RGL1: variants seen among roughly 807,000 people sequenced by gnomAD.
RGL1 encodes the protein ral guanine nucleotide dissociation stimulator like 1, also known as ral guanine nucleotide dissociation stimulator-like 1.
A neutral mutation model predicts 95.2 loss-of-function variants in RGL1; 24 were observed. The ratio of observed to expected loss-of-function variants is 0.25; its 90% CI spans 0.18 to 0.35. The LOEUF is 0.35. Among genes scored for constraint, RGL1 ranks in the 10% least tolerant of loss-of-function variants. RGL1 has a pLI of 1.00. For synonymous variants in RGL1, 329 were observed against 344.9 expected, an observed-to-expected ratio of 0.95 and a Z score of 0.51; for missense variants, 715 against 936.3, an observed-to-expected ratio of 0.76 and a Z score of 3.08.
intron 1 of RGL1, among the ~76,000 whole-genome samples, chr1:183,644,211 C>T (rs183045537): frequency 1.2e-4 from 18 of 152,288 alleles, no homozygotes; most frequent in Admixed American, 3.9e-4. Context: ...AACATGGATT[C>T]TGGAGCTTGA....
chr1:183,741,548 G>T (rs187722530), intron 1 of RGL1, among the ~76,000 whole-genome samples: 1 of 152,196 alleles, frequency 6.6e-6, no homozygotes, highest in African/African-American at 2.4e-5. Flanking sequence ...CACAATTATT[G>T]TGGCATTTCA....
At chr1:183,887,430 G>C (rs1351568942) in intron 7 of RGL1, among the ~76,000 whole-genome samples, 1 of 151,956 alleles carries the variant, frequency 6.6e-6, no homozygotes, top group Admixed American at 6.6e-5. Context: ...GATTCTCGAA[G>C]TGATTTACAT....
At chr1:183,664,373 T>C (rs773355555) in intron 1 of RGL1, among the ~76,000 whole-genome samples, 9 of 152,138 alleles carry the variant, frequency 5.9e-5, no homozygotes, top group Non-Finnish European at 7.4e-5. Flanking sequence ...TCATATAGGA[T>C]CATGTCATTT....
intron 5 of RGL1, among the ~76,000 whole-genome samples, chr1:183,881,994 A>G (rs542097001): frequency 2.6e-3 from 397 of 152,338 alleles, no homozygotes; most frequent in African/African-American, 9.1e-3. Flanking sequence ...GGGACCAGTC[A>G]TTCATTGTTT....
chr1:183,829,902 A>T (rs1277845829), intron 2 of RGL1, among the ~76,000 whole-genome samples: 2 of 152,090 alleles, frequency 1.3e-5, no homozygotes, highest in Admixed American at 6.6e-5. Flanking sequence ...TGATCCTCTC[A>T]TGTTTTTAAG....
intron 1 of RGL1, among the ~76,000 whole-genome samples, chr1:183,636,918 G>A (rs1290224741): frequency 2.0e-5 from 3 of 152,176 alleles, no homozygotes; most frequent in Non-Finnish European, 4.4e-5. Context: ...ACACTGCTCG[G>A]TATGGGTCCA....
intron 1 of RGL1, among the ~76,000 whole-genome samples, chr1:183,726,869 G>T (rs949411683): frequency 6.6e-6 from 1 of 152,100 alleles, no homozygotes; most frequent in Non-Finnish European, 1.5e-5. Flanking sequence ...CAATGAGCAT[G>T]TTCTGTGAGC....
At chr1:183,644,054 G>A (rs1301312315) in intron 1 of RGL1, among the ~76,000 whole-genome samples, 1 of 152,138 alleles carries the variant, frequency 6.6e-6, no homozygotes, top group Admixed American at 6.6e-5. Context: ...GGCTTCCATA[G>A]TTTAGAGGAT....
At chr1:183,681,785 G>A (rs1478060037) in intron 1 of RGL1, among the ~76,000 whole-genome samples, 1 of 152,128 alleles carries the variant, frequency 6.6e-6, no homozygotes. Flanking sequence ...GTAGAATTTG[G>A]CTGTGAATCT....
At chr1:183,882,128 A>C (rs1572548119) in intron 5 of RGL1, among the ~76,000 whole-genome samples, 1 of 152,238 alleles carries the variant, frequency 6.6e-6, no homozygotes, top group Non-Finnish European at 1.5e-5. Flanking sequence ...AAGCTCTCCT[A>C]TATGTTTTTA....
In RGL1 at chr1:183,906,954, T is replaced by G. The variant is rs1668365412; in HGVS notation, c.1473-58T>G. 7 of 925,352 alleles carry G rather than the reference T, an allele frequency of 7.6e-6. No homozygotes were observed. In the South Asian group the frequency reaches 9.6e-5, roughly 13 times the overall value. 57.3% of individuals were successfully genotyped at this position (925,352 alleles called of 1,614,324 possible). ...ACAAAACCAGGACATCATGTGAATT[T>G]AAGTGTGTTTTTCAATTCTCTAACT... is the stretch of plus-strand genomic sequence containing the variant. On this transcript the variant is annotated intron_variant, in intron 13 of 17. Transcript: ENST00000360851.
intron 14 of RGL1, among the ~76,000 whole-genome samples, chr1:183,907,341 CT>C (rs1289768137): frequency 6.6e-6 from 1 of 152,230 alleles, no homozygotes; most frequent in Non-Finnish European, 1.5e-5. Context: ...AACATCTTCA[CT>C]GTCTTCTGGC....
chr1:183,862,379 A>T (rs1665564440), intron 3 of RGL1, among the ~76,000 whole-genome samples: 1 of 151,882 alleles, frequency 6.6e-6, no homozygotes, highest in African/African-American at 2.4e-5. Context: ...AAAGAAAAAA[A>T]ATTAAGAAAG....
chr1:183,787,906 A>G (rs892932209), intron 2 of RGL1, among the ~76,000 whole-genome samples: 1 of 151,776 alleles, frequency 6.6e-6, no homozygotes, highest in African/African-American at 2.4e-5. Flanking sequence ...GCTCCCCTTC[A>G]CCTTCCACTA....
upstream of RGL1, among the ~76,000 whole-genome samples, chr1:183,800,199 G>A (rs190400329): frequency 4.6e-5 from 7 of 152,130 alleles, no homozygotes; most frequent in Admixed American, 3.9e-4. Context: ...AATTCTTCTT[G>A]CAGCCAGAGA....
chr1:183,734,991 T>TTGAGCAAAGCAGGGATTGC (rs1656850410), intron 1 of RGL1, among the ~76,000 whole-genome samples: 2 of 152,186 alleles, frequency 1.3e-5, no homozygotes, highest in Non-Finnish European at 2.9e-5. Flanking sequence ...GCAGGGATTG[T>TTGAGCAAAGCAGGGATTGC]TGAGCAAAGC....
At chr1:183,801,384 T>G (rs1044402739), upstream of RGL1, among the ~76,000 whole-genome samples, 1 of 152,182 alleles carries the variant, frequency 6.6e-6, no homozygotes, top group South Asian at 2.1e-4. Flanking sequence ...TCTTAAAATA[T>G]TGTGGGTATT....
chr1:183,767,344 A>G (rs1179663620), intron 2 of RGL1, among the ~76,000 whole-genome samples: 4 of 152,158 alleles, frequency 2.6e-5, no homozygotes, highest in African/African-American at 4.8e-5. Flanking sequence ...AAAAGCAAAA[A>G]CAGATAAATA....
intron 1 of RGL1, among the ~76,000 whole-genome samples, chr1:183,721,331 C>T (rs1210766452): frequency 2.0e-5 from 3 of 152,124 alleles, no homozygotes; most frequent in African/African-American, 7.2e-5. Context: ...TTGATCTATA[C>T]GTCTAACTCT....
Sources: gnomAD v4.1 joint callset for allele counts (sites outside exome capture counted in the v4.1 genomes callset) on GRCh38, gnomAD v4.1.1 for gene constraint, MANE v1.5 for transcripts, NCBI Gene and HGNC (gene_info 2026-07-23, HGNC 2026-07-21) for gene names.